Variants in EGFR observed in about 807,000 individuals in gnomAD.
EGFR encodes the protein epidermal growth factor receptor, also known as avian erythroblastic leukemia viral (v-erb-b) oncogene homolog.
In EGFR, 58 loss-of-function variants were observed where a neutral mutation model predicts 143.0. That is an observed-to-expected ratio of 0.41 (90% CI 0.33 to 0.50). The LOEUF (loss-of-function observed/expected upper bound fraction) is 0.50, where lower values mean the gene tolerates loss of function less well. Ranked by LOEUF, EGFR falls within the 20% of genes least tolerant of loss-of-function variation. EGFR has a pLI of 0.39. For missense variants in EGFR, 1,307 were observed against 1,579.0 expected (o/e 0.83, Z 2.92); for synonymous variants, 613 against 594.4 (o/e 1.03, Z -0.45).
intron 4 of EGFR, among the ~76,000 whole-genome samples, chr7:55,150,424 G>T (rs1785094187): frequency 6.6e-6 from 1 of 151,528 alleles, no homozygotes; most frequent in Non-Finnish European, 1.5e-5. Flanking sequence ...TGCCTTGGTG[G>T]TATTCTGGCT....
intron 20 of EGFR, among the ~76,000 whole-genome samples, chr7:55,189,604 G>A (rs1374488810): frequency 2.0e-5 from 3 of 152,206 alleles, no homozygotes; most frequent in South Asian, 2.1e-4. Context: ...TAGAAACCAC[G>A]CATTTTAAAT....
chr7:55,142,765 G>T (rs568553201), intron 2 of EGFR, among the ~76,000 whole-genome samples: 2 of 152,186 alleles, frequency 1.3e-5, no homozygotes, highest in South Asian at 2.1e-4. Flanking sequence ...TGCACCATTT[G>T]CCTATTCCCT....
intron 1 of EGFR, among the ~76,000 whole-genome samples, chr7:55,135,125 C>A (rs1269249719): frequency 1.3e-5 from 2 of 152,142 alleles, no homozygotes; most frequent in Non-Finnish European, 1.5e-5. Context: ...AAGAGGTATT[C>A]TCACTCTACT....
chr7:55,079,420 T>C (rs984383588), intron 1 of EGFR, among the ~76,000 whole-genome samples: 3 of 152,174 alleles, frequency 2.0e-5, no homozygotes, highest in Non-Finnish European at 2.9e-5. Flanking sequence ...CAAAAAGAAA[T>C]GGACTGTGTT....
At position 55,019,129 on chromosome 7, in the gene EGFR, C is replaced by G. The variant is rs1261328407; in HGVS notation, c.-149C>G. On this transcript the variant is annotated 5_prime_UTR_variant, in exon 1 of 28. Coordinates refer to ENST00000275493, the MANE Select transcript of EGFR (RefSeq NM_005228.5). ...GGAGTCCCGAGCTAGCCCCGGCGGC[C>G]GCCGCCGCCCAGACCGGACGACAGG... The G allele has an allele frequency of 2.1e-6, 1 of 473,774 alleles. No homozygotes were observed. The highest frequency in any genetic ancestry group is 3.3e-6 in the Non-Finnish European group (1 of 302,586). 29.3% of individuals were successfully genotyped at this position (473,774 alleles called of 1,614,324 possible).
At position 55,160,346 on chromosome 7, in the gene EGFR, AC is replaced by A. The variant is rs1562770917; in HGVS notation, c.1498+10del. ...GAGGTGAAAACAGCTGCAGTAAGTCACCGCTTTCTGTTTAGTTTATGGAGTT... is the reference window on the plus strand; with the variant it reads ...GAGGTGAAAACAGCTGCAGTAAGTCACGCTTTCTGTTTAGTTTATGGAGTT... On this transcript the variant is annotated intron_variant, in intron 12 of 27. Transcript: ENST00000275493. The A allele has an allele frequency of 6.2e-7, 1 of 1,612,112 alleles. No homozygotes were observed. The highest frequency in any genetic ancestry group is 1.7e-5 in the Admixed American group (1 of 60,020).
intron 1 of EGFR, among the ~76,000 whole-genome samples, chr7:55,075,191 TAAA>T (rs36085258): frequency 6.7e-5 from 9 of 134,886 alleles, no homozygotes; most frequent in Non-Finnish European, 9.7e-5. Context: ...AAGCAGGAGC[TAAA>T]AAAAAAAAAA....
In EGFR at chr7:55,210,480, T is replaced by A. The variant is rs904629356; in HGVS notation, c.*4863T>A. 2 of 152,178 alleles carry A rather than the reference T, an allele frequency of 1.3e-5. No homozygotes were observed. Among genetic ancestry groups the A allele is most frequent in the African/African-American group, 2.4e-5 (1 of 41,444 alleles). 9.4% of individuals were successfully genotyped at this position (152,178 alleles called of 1,614,324 possible). The stretch of plus-strand genomic sequence containing the variant: ...AATCTCTGGGGCTGAAACCCAAGCA[T>A]TCGTAGTTTTTAAAGCTCCTGAGGT... On this transcript the variant is annotated 3_prime_UTR_variant, in exon 28 of 28. Transcript: ENST00000275493.
At position 55,173,144 on chromosome 7, in the gene EGFR, G is replaced by A. The variant is rs559993068; in HGVS notation, c.2061+20G>A. 3.1e-6 allele frequency: 5 copies of A among 1,606,762 alleles called. No homozygotes were observed. Among genetic ancestry groups the A allele is most frequent in the African/African-American group, 1.3e-5 (1 of 75,044 alleles). ...AGGGAGGTGAGTGCCAGTCCTGGGT[G>A]GGCTCAGGAGCCCTCGCACCCCGAC... On this transcript the variant is annotated intron_variant, in intron 17 of 27. Coordinates refer to ENST00000275493, the MANE Select transcript of EGFR (RefSeq NM_005228.5).
intron 23 of EGFR, 134 bp from the exon 24 acceptor site, chr7:55,200,182 A>G: frequency 1.1e-6 from 1 of 879,872 alleles, no homozygotes; most frequent in Non-Finnish European, 1.9e-6. Flanking sequence ...AGAAAAGTCT[A>G]CCACAAAGAC....
At position 55,190,343 on chromosome 7, in the gene EGFR, C is replaced by G. The variant is rs111383995; in HGVS notation, c.2470-1376C>G. 6.9e-3 allele frequency among the ~76,000 whole-genome samples: 1,043 copies of G among 152,144 alleles called. 11 individuals carry two copies. Among genetic ancestry groups the G allele is most frequent in the African/African-American group, 0.024 (999 of 41,488 alleles). ...TGGGTGTCAGGCAAGCGTCTCTTTT[C>G]CAAAAGAGAAAAACATTAAAGGCCT... On this transcript the variant is annotated intron_variant, in intron 20 of 27. Transcript: ENST00000275493.
At chr7:55,163,958 C>A in intron 14 of EGFR, 135 bp downstream of exon 14, 1 of 890,990 alleles carries the variant, frequency 1.1e-6, no homozygotes, top group Non-Finnish European at 1.8e-6. Flanking sequence ...AGACGGCAGG[C>A]GCTGACAGCG....
At position 55,206,084 on chromosome 7, in the gene EGFR, G is replaced by A. The variant is rs1788096847; in HGVS notation, c.*467G>A. Reference sequence around the variant, plus strand: ...GAGCACAAGCCACAAGTCTTCCAGAGGATGCTTGATTCCAGTGGTTCTGCT... The same window carrying A: ...GAGCACAAGCCACAAGTCTTCCAGAAGATGCTTGATTCCAGTGGTTCTGCT... On this transcript the variant is annotated 3_prime_UTR_variant, in exon 28 of 28. Coordinates refer to ENST00000275493, the MANE Select transcript of EGFR (RefSeq NM_005228.5). 3.0e-6 allele frequency: 1 copy of A among 328,012 alleles called. No homozygotes were observed. Among genetic ancestry groups the A allele is most frequent in the African/African-American group, 2.1e-5 (1 of 46,738 alleles). The allele number at this position is 328,012 out of a possible 1,614,324, so 20.3% of individuals were successfully genotyped here. A position where few individuals can be genotyped will look rare whatever the true frequency, so the allele number is the denominator to read the frequency against.
rs149610204 is a variant in EGFR at position 55,067,666 on chromosome 7, A to G, written c.88+48301A>G. 6.0e-4 allele frequency among the ~76,000 whole-genome samples: 91 copies of G among 151,686 alleles called. 6 individuals carry two copies. The highest frequency in any genetic ancestry group is 2.2e-3 in the African/African-American group (89 of 40,918). On this transcript the variant is annotated intron_variant, in intron 1 of 27. Transcript: ENST00000275493. The stretch of plus-strand genomic sequence containing the variant: ...TTTTCCTGAGGGGAAATATTTTTAA[A>G]TTTTAAAATATTTAATTGACAAATA...
chr7:55,156,494 C>T (rs1383523785), intron 8 of EGFR, 39 bp from the exon 9 acceptor site: 2 of 1,613,482 alleles, frequency 1.2e-6, no homozygotes. Context: ...CTTAATCCAA[C>T]AAATGTGAAC....
At chr7:55,052,144 C>T (rs1032096527) in intron 1 of EGFR, among the ~76,000 whole-genome samples, 3 of 152,176 alleles carry the variant, frequency 2.0e-5, no homozygotes, top group African/African-American at 4.8e-5. Flanking sequence ...CTTTATTCTT[C>T]CTGGGCTTTA....
At chr7:55,071,732 T>A (rs1789844440) in intron 1 of EGFR, among the ~76,000 whole-genome samples, 1 of 152,276 alleles carries the variant, frequency 6.6e-6, no homozygotes, top group Non-Finnish European at 1.5e-5. Context: ...TAGAGATTTA[T>A]GTTTCAAATT....
At chr7:55,128,376 A>G (rs1409358194) in intron 1 of EGFR, among the ~76,000 whole-genome samples, 1 of 152,246 alleles carries the variant, frequency 6.6e-6, no homozygotes, top group Non-Finnish European at 1.5e-5. Flanking sequence ...GCTTCACCTT[A>G]GTCATTGCCC....
At chr7:55,133,209 G>T (rs753198542) in intron 1 of EGFR, among the ~76,000 whole-genome samples, 9 of 152,166 alleles carry the variant, frequency 5.9e-5, no homozygotes, top group Non-Finnish European at 8.8e-5. Context: ...GGTGCCTTCG[G>T]TTGTGAGGGC....
Sources: allele counts gnomAD v4.1 joint callset (sites outside exome capture counted in the v4.1 genomes callset), GRCh38; gene constraint gnomAD v4.1.1; transcripts MANE v1.5; gene names NCBI Gene and HGNC (gene_info 2026-07-23, HGNC 2026-07-21).